NRXN3: variants seen among roughly 807,000 people sequenced by gnomAD.
The protein encoded by NRXN3 is neurexin 3.
In NRXN3, 32 loss-of-function variants were observed where a neutral mutation model predicts 137.6. The observed-to-expected ratio is 0.23, with a 90% confidence interval of 0.18 to 0.31. The LOEUF is 0.31. Among genes scored for constraint, NRXN3 ranks in the 10% least tolerant of loss-of-function variants. NRXN3 has a pLI of 1.00. For missense variants in NRXN3, 1,574 were observed against 2,062.5 expected, an observed-to-expected ratio of 0.76 and a Z score of 4.59; for synonymous variants, 798 against 784.5, an observed-to-expected ratio of 1.02 and a Z score of -0.29.
chr14:78,816,232 A>G lies in NRXN3; in HGVS notation c.2275+5888A>G, dbSNP rs189250540. 1.8e-3 allele frequency among the ~76,000 whole-genome samples: 277 copies of G among 152,272 alleles called. 1 individual carries two copies. The highest frequency in any genetic ancestry group is 6.1e-3 in the Admixed American group (93 of 15,294). Reference sequence around the variant, plus strand: ...TTAATAAGATTATACATGGAACAAAAGGCAAAATAGTAAAAATTCTTCCCA... The same window carrying G: ...TTAATAAGATTATACATGGAACAAAGGGCAAAATAGTAAAAATTCTTCCCA... On this transcript the variant is annotated intron_variant, in intron 10 of 20. Coordinates refer to ENST00000335750, the MANE Select transcript of NRXN3 (RefSeq NM_001330195.2).
chr14:78,622,107 A>G (rs1055749635), intron 4 of NRXN3, among the ~76,000 whole-genome samples: 14 of 152,132 alleles, frequency 9.2e-5, no homozygotes, highest in Admixed American at 3.9e-4. Flanking sequence ...GTGGGATGGG[A>G]TAGAGCTGGA....
At chr14:78,216,286 C>T (rs1481447209) in intron 1 of NRXN3, among the ~76,000 whole-genome samples, 2 of 152,018 alleles carry the variant, frequency 1.3e-5, no homozygotes, top group African/African-American at 2.4e-5. Flanking sequence ...AGCTTAGTGC[C>T]GATGACAGTT....
chr14:79,322,548 C>T (rs935567021), intron 15 of NRXN3, among the ~76,000 whole-genome samples: 1 of 152,036 alleles, frequency 6.6e-6, no homozygotes, highest in Non-Finnish European at 1.5e-5. Context: ...GATGGCAAAA[C>T]TGAAAATAAA....
At chr14:78,529,007 GC>G (rs1257595406) in intron 4 of NRXN3, among the ~76,000 whole-genome samples, 1 of 152,110 alleles carries the variant, frequency 6.6e-6, no homozygotes, top group Non-Finnish European at 1.5e-5. Context: ...AGAAACTGGG[GC>G]CTAAGATCAC....
At chr14:79,533,888 C>A (rs1405593743) in intron 16 of NRXN3, among the ~76,000 whole-genome samples, 1 of 152,154 alleles carries the variant, frequency 6.6e-6, no homozygotes, top group African/African-American at 2.4e-5. Context: ...AGTAAAAACG[C>A]TCAGCTTACT....
intron 15 of NRXN3, among the ~76,000 whole-genome samples, chr14:79,333,887 A>G (rs1019521485): frequency 6.6e-6 from 1 of 152,178 alleles, no homozygotes; most frequent in Non-Finnish European, 1.5e-5. Flanking sequence ...ATTTGAATCA[A>G]TCTCTTCATG....
At chr14:78,750,220 G>C (rs1395809642) in intron 8 of NRXN3, among the ~76,000 whole-genome samples, 2 of 152,318 alleles carry the variant, frequency 1.3e-5, no homozygotes, top group Non-Finnish European at 2.9e-5. Flanking sequence ...CCAGGTTTGA[G>C]AACAGCACCT....
At chr14:79,509,810 G>C (rs2096915228) in intron 16 of NRXN3, among the ~76,000 whole-genome samples, 4 of 151,896 alleles carry the variant, frequency 2.6e-5, no homozygotes, top group Admixed American at 2.6e-4. Context: ...TTATTATTTT[G>C]TATTTTTAAA....
intron 19 of NRXN3, among the ~76,000 whole-genome samples, chr14:79,725,872 A>G (rs978570473): frequency 6.6e-6 from 1 of 152,122 alleles, no homozygotes; most frequent in Non-Finnish European, 1.5e-5. Context: ...GTTGTTTGCT[A>G]ACATCTGGGT....
intron 15 of NRXN3, among the ~76,000 whole-genome samples, chr14:79,127,618 C>T (rs2056748928): frequency 6.6e-6 from 1 of 152,166 alleles, no homozygotes; most frequent in Non-Finnish European, 1.5e-5. Context: ...GTGATGCCTC[C>T]AGCTTTGTTC....
intron 8 of NRXN3, among the ~76,000 whole-genome samples, chr14:78,773,740 A>G (rs2098735988): frequency 6.6e-6 from 1 of 152,056 alleles, no homozygotes; most frequent in Non-Finnish European, 1.5e-5. Flanking sequence ...ATTATTTATT[A>G]ATTTTAGGTG....
At chr14:78,988,709 C>T (rs2099512256) in intron 15 of NRXN3, among the ~76,000 whole-genome samples, 2 of 151,928 alleles carry the variant, frequency 1.3e-5, no homozygotes, top group Admixed American at 1.3e-4. Context: ...TTCTCTCTGA[C>T]TAAATTTATT....
At chr14:78,701,673 CTTTG>C (rs1415091244) in intron 6 of NRXN3, among the ~76,000 whole-genome samples, 1 of 152,162 alleles carries the variant, frequency 6.6e-6, no homozygotes. Flanking sequence ...TTCAGATACG[CTTTG>C]TTTGACCCAT....
At chr14:78,552,066 A>C (rs1247015633) in intron 4 of NRXN3, among the ~76,000 whole-genome samples, 2 of 151,862 alleles carry the variant, frequency 1.3e-5, no homozygotes, top group African/African-American at 4.8e-5. Context: ...TTGGAGTGGC[A>C]TTTGTGTGGG....
intron 15 of NRXN3, among the ~76,000 whole-genome samples, chr14:78,994,912 A>G (rs1256935142): frequency 1.3e-5 from 2 of 152,320 alleles, no homozygotes; most frequent in African/African-American, 2.4e-5. Context: ...CAAATTCTTA[A>G]GAAAATATTA....
intron 10 of NRXN3, among the ~76,000 whole-genome samples, chr14:78,834,243 A>G (rs896044722): frequency 1.3e-5 from 2 of 152,128 alleles, no homozygotes; most frequent in Admixed American, 6.5e-5. Flanking sequence ...TGATTCCGTT[A>G]TGTATTGCAA....
chr14:79,162,800 A>G (rs1252992249), intron 15 of NRXN3, among the ~76,000 whole-genome samples: 1 of 151,930 alleles, frequency 6.6e-6, no homozygotes, highest in Non-Finnish European at 1.5e-5. Context: ...TGACAAAGCC[A>G]GGTGCCCTGG....
intron 4 of NRXN3, among the ~76,000 whole-genome samples, chr14:78,520,774 G>A (rs2096273529): frequency 6.6e-6 from 1 of 152,136 alleles, no homozygotes; most frequent in African/African-American, 2.4e-5. Flanking sequence ...TACTGGATAG[G>A]TTGGAAGGTT....
At chr14:78,827,524 G>A (rs1001248041) in intron 10 of NRXN3, among the ~76,000 whole-genome samples, 2 of 152,164 alleles carry the variant, frequency 1.3e-5, no homozygotes, top group African/African-American at 2.4e-5. Flanking sequence ...TATTTTGAAC[G>A]GAATAAGAGA....
Sources: gnomAD v4.1 joint callset for allele counts (sites outside exome capture counted in the v4.1 genomes callset) on GRCh38, gnomAD v4.1.1 for gene constraint, MANE v1.5 for transcripts, NCBI Gene and HGNC (gene_info 2026-07-23, HGNC 2026-07-21) for gene names.